CELF2: variants seen among roughly 807,000 people sequenced by gnomAD.
The protein encoded by CELF2 is CUG triplet repeat RNA-binding protein 2.
In CELF2, 8 loss-of-function variants were observed where a neutral mutation model predicts 62.6. The observed-to-expected ratio is 0.13, with a 90% confidence interval of 0.07 to 0.23. The LOEUF (loss-of-function observed/expected upper bound fraction) is 0.23, where lower values mean the gene tolerates loss of function less well. CELF2 is among the 10% of genes least tolerant of loss of function. The probability of loss-of-function intolerance (pLI) is 1.00; values close to 1 mark genes in which losing one functional copy is unlikely to be tolerated. For synonymous variants in CELF2, 258 were observed against 250.0 expected, an observed-to-expected ratio of 1.03 and a Z score of -0.30; for missense variants, 333 against 671.0, an observed-to-expected ratio of 0.50 and a Z score of 5.56.
rs556060351 is a variant in CELF2 at position 10,843,171 on chromosome 10, T to C, written c.53+44354T>C. Among the ~76,000 whole-genome samples the C allele has an allele frequency of 1.1e-4, 17 of 152,026 alleles. No homozygotes were observed. The South Asian group carries it at 3.3e-3, about 30-fold the overall frequency. On this transcript the variant is annotated intron_variant, in intron 1 of 13. Coordinates refer to the CELF2 transcript ENST00000636488. The stretch of plus-strand genomic sequence containing the variant: ...TTATATCTGATATTGGCAATTTGTG[T>C]CTCCACAAAGAAAAACAACAGAAAA...
chr10:11,034,388 C>G (rs1405719672), intron 1 of CELF2, among the ~76,000 whole-genome samples: 1 of 151,846 alleles, frequency 6.6e-6, no homozygotes, highest in African/African-American at 2.4e-5. Flanking sequence ...TAGATCCCTC[C>G]TAGATGTGTT....
At chr10:10,464,556 A>C in the CELF2 span, among the ~76,000 whole-genome samples, 1 of 152,268 alleles carries the variant, frequency 6.6e-6, no homozygotes. Flanking sequence ...AACAAAGGCC[A>C]ATAGATCTTT....
chr10:10,630,183 G>T, the CELF2 span, among the ~76,000 whole-genome samples: 1 of 152,098 alleles, frequency 6.6e-6, no homozygotes, highest in African/African-American at 2.4e-5. Context: ...GCCCATCTGT[G>T]TGGCTTTGTC....
At chr10:10,688,513 C>T in the CELF2 span, among the ~76,000 whole-genome samples, 8 of 152,142 alleles carry the variant, frequency 5.3e-5, no homozygotes, top group East Asian at 1.9e-4. Flanking sequence ...ACAGAGTAAA[C>T]CAATTGAATA....
At chr10:10,771,629 A>C in the CELF2 span, among the ~76,000 whole-genome samples, 2 of 152,100 alleles carry the variant, frequency 1.3e-5, no homozygotes, top group South Asian at 4.1e-4. Context: ...ATGAGATTTG[A>C]AGGTTTTATC....
chr10:10,690,485 G>A, the CELF2 span, among the ~76,000 whole-genome samples: 1 of 152,106 alleles, frequency 6.6e-6, no homozygotes, highest in Non-Finnish European at 1.5e-5. Flanking sequence ...TAAAAGTACA[G>A]AATGAAGGCA....
At chr10:10,668,323 G>A in the CELF2 span, among the ~76,000 whole-genome samples, 1 of 152,074 alleles carries the variant, frequency 6.6e-6, no homozygotes, top group Non-Finnish European at 1.5e-5. Context: ...CCCATCCTAT[G>A]ATTTAGGACA....
At chr10:10,798,002 G>C (rs969746011), upstream of CELF2, among the ~76,000 whole-genome samples, 1 of 151,660 alleles carries the variant, frequency 6.6e-6, no homozygotes, top group Non-Finnish European at 1.5e-5. Flanking sequence ...GCGAGTAGGG[G>C]GTAGCCTATA....
chr10:10,616,089 A>G, the CELF2 span, among the ~76,000 whole-genome samples: 1 of 152,070 alleles, frequency 6.6e-6, no homozygotes, highest in African/African-American at 2.4e-5. Context: ...GGTGATTGGC[A>G]TATAAGGTGA....
chr10:10,595,767 G>A, the CELF2 span, among the ~76,000 whole-genome samples: 1 of 152,252 alleles, frequency 6.6e-6, no homozygotes, highest in East Asian at 1.9e-4. Context: ...ATGATAGCAT[G>A]CACCTGTAGT....
upstream of CELF2, among the ~76,000 whole-genome samples, chr10:10,797,696 T>A (rs2054233229): frequency 6.6e-6 from 1 of 152,202 alleles, no homozygotes; most frequent in Non-Finnish European, 1.5e-5. Flanking sequence ...CAAGGTCGGC[T>A]ACTTCCAGGA....
intron 1 of CELF2, among the ~76,000 whole-genome samples, chr10:10,859,512 G>A (rs1026056723): frequency 9.9e-5 from 15 of 152,112 alleles, no homozygotes; most frequent in African/African-American, 3.6e-4. Flanking sequence ...GAGGGGAGAA[G>A]AGAGATTTAG....
At chr10:11,236,243 A>G (rs192878288) in intron 3 of CELF2, among the ~76,000 whole-genome samples, 3 of 152,232 alleles carry the variant, frequency 2.0e-5, no homozygotes, top group Non-Finnish European at 2.9e-5. Flanking sequence ...ATAAAATACA[A>G]TCGGCTTAAA....
rs2046369263 is a variant in CELF2, at chr10:10,936,182, A to C, written c.89+16183A>C. Among the ~76,000 whole-genome samples the C allele has an allele frequency of 6.6e-6, 1 of 152,094 alleles. No homozygotes were observed. Among genetic ancestry groups the C allele is most frequent in the Non-Finnish European group, 1.5e-5 (1 of 68,006 alleles). The stretch of plus-strand genomic sequence containing the variant: ...ATCTCACAAAAAAAATAAATAAAAT[A>C]ATAAAGAGAGAGAAAAGAAAGAAAC... On this transcript the variant is annotated intron_variant, in intron 2 of 13. Coordinates refer to the CELF2 transcript ENST00000636488. This position sits in a 1 kb window ranked among gnomAD's most constrained non-coding sequence, Gnocchi z 4.0.
chr10:11,142,447 G>A (rs2061505274), intron 1 of CELF2, among the ~76,000 whole-genome samples: 1 of 152,122 alleles, frequency 6.6e-6, no homozygotes, highest in South Asian at 2.1e-4. Flanking sequence ...CACTTTGGGA[G>A]GCCGAGGCAG....
chr10:11,289,893 A>C (rs2092229827), intron 9 of CELF2, among the ~76,000 whole-genome samples: 1 of 152,218 alleles, frequency 6.6e-6, no homozygotes, highest in Non-Finnish European at 1.5e-5. Flanking sequence ...TTTTTTAAAA[A>C]CATGAAAATT....
intron 1 of CELF2, chr10:11,096,441 G>A (rs2049897069): frequency 6.6e-6 from 1 of 152,180 alleles, no homozygotes; most frequent in Admixed American, 6.5e-5. Flanking sequence ...CCAAGGAAAA[G>A]ATAATCGCTA....
intron 1 of CELF2, among the ~76,000 whole-genome samples, chr10:10,900,271 A>G (rs2062843745): frequency 6.6e-6 from 1 of 152,234 alleles, no homozygotes; most frequent in Non-Finnish European, 1.5e-5. Flanking sequence ...GGGTGCTACA[A>G]GAAAAGAAAA....
chr10:10,585,198 G>T, the CELF2 span, among the ~76,000 whole-genome samples: 5 of 152,130 alleles, frequency 3.3e-5, no homozygotes, highest in Non-Finnish European at 7.4e-5. Flanking sequence ...GAGGTGGAGG[G>T]TTAGAGAATT....
Sources: gnomAD v4.1 joint callset for allele counts (sites outside exome capture counted in the v4.1 genomes callset) on GRCh38, gnomAD v4.1.1 for gene constraint, Gnocchi (gnomAD v3.1) non-coding constraint, MANE v1.5 for transcripts, NCBI Gene and HGNC (gene_info 2026-07-23, HGNC 2026-07-21) for gene names.